The following MAPK10 variants were observed in gnomAD, a reference collection of about 807,000 sequenced individuals.
MAPK10 encodes mitogen-activated protein kinase 10.
MAPK10 carries 25 observed loss-of-function variants against 59.3 expected under a neutral mutation model. That is an observed-to-expected ratio of 0.42 (90% CI 0.31 to 0.59). The LOEUF (loss-of-function observed/expected upper bound fraction) is 0.59. MAPK10 is among the 20% of genes least tolerant of loss of function. The pLI is 0.15. For missense variants in MAPK10, 351 were observed against 568.9 expected, an observed-to-expected ratio of 0.62 and a Z score of 3.90; for synonymous variants, 190 against 200.5, an observed-to-expected ratio of 0.95 and a Z score of 0.44.
intron 1 of MAPK10, among the ~76,000 whole-genome samples, chr4:86,424,427 T>C (rs1438630452): frequency 6.6e-6 from 1 of 152,136 alleles, no homozygotes; most frequent in East Asian, 1.9e-4. Context: ...TGACCTCAAG[T>C]GATCTGCTCC....
chr4:86,324,970 C>T (rs2095988897), intron 2 of MAPK10, among the ~76,000 whole-genome samples: 1 of 152,192 alleles, frequency 6.6e-6, no homozygotes, highest in Non-Finnish European at 1.5e-5. Flanking sequence ...TGAGCCATTG[C>T]ACTTTGTGCA....
chr4:86,496,732 CA>C (rs1183004370), intron 1 of MAPK10, among the ~76,000 whole-genome samples: 1 of 152,126 alleles, frequency 6.6e-6, no homozygotes, highest in African/African-American at 2.4e-5. Context: ...AGAAATCCAA[CA>C]AATTTCTATT....
chr4:86,589,949 A>C (rs1022155724), intron 1 of MAPK10, among the ~76,000 whole-genome samples: 1 of 150,400 alleles, frequency 6.6e-6, no homozygotes, highest in Non-Finnish European at 1.5e-5. Flanking sequence ...GCGCCACTGC[A>C]CTCCAGCCTG....
At chr4:86,248,643 G>A (rs2093251961) in intron 2 of MAPK10, among the ~76,000 whole-genome samples, 1 of 152,184 alleles carries the variant, frequency 6.6e-6, no homozygotes, top group South Asian at 2.1e-4. Flanking sequence ...TCTTTCTCAA[G>A]TCAGACTCCA....
chr4:86,039,221 C>A (rs2040973195), intron 11 of MAPK10, among the ~76,000 whole-genome samples: 1 of 152,088 alleles, frequency 6.6e-6, no homozygotes, highest in South Asian at 2.1e-4. Flanking sequence ...TGAAGGAAAC[C>A]AGGTGAGAGA....
At chr4:86,032,263 C>T (rs1013233059) in intron 11 of MAPK10, 14 of 152,042 alleles carry the variant, frequency 9.2e-5, no homozygotes, top group Non-Finnish European at 2.1e-4. Context: ...ATTCTCTGAC[C>T]TCTTCTTCCT....
intron 1 of MAPK10, among the ~76,000 whole-genome samples, chr4:86,432,532 G>A (rs942695142): frequency 3.9e-5 from 6 of 152,060 alleles, no homozygotes; most frequent in Admixed American, 1.3e-4. Flanking sequence ...TGCCTGCCTC[G>A]GCCTCCCAAA....
chr4:86,547,639 C>T (rs999708985), intron 1 of MAPK10, among the ~76,000 whole-genome samples: 1 of 152,172 alleles, frequency 6.6e-6, no homozygotes. Context: ...TGAGGAATGC[C>T]GGCGGCAGGC....
chr4:86,565,578 G>A (rs1488359283), intron 1 of MAPK10, among the ~76,000 whole-genome samples: 1 of 152,154 alleles, frequency 6.6e-6, no homozygotes, highest in Admixed American at 6.5e-5. Context: ...TTAGCTTTTC[G>A]ATAATGCTAA....
intron 1 of MAPK10, among the ~76,000 whole-genome samples, chr4:86,473,142 A>T (rs2149066857): frequency 6.6e-6 from 1 of 152,328 alleles, no homozygotes; most frequent in South Asian, 2.1e-4. Flanking sequence ...TATATTTGAA[A>T]ATAAAAATGT....
chr4:86,086,617 T>A (rs2051929709), intron 9 of MAPK10, among the ~76,000 whole-genome samples: 1 of 152,140 alleles, frequency 6.6e-6, no homozygotes, highest in South Asian at 2.1e-4. Flanking sequence ...GTTTTGAGAA[T>A]GCTTTTATAT....
At chr4:86,290,672 G>C (rs1336375068) in intron 2 of MAPK10, among the ~76,000 whole-genome samples, 2 of 152,144 alleles carry the variant, frequency 1.3e-5, no homozygotes, top group Admixed American at 1.3e-4. Context: ...AATGATGCTT[G>C]ACTCCTGGCT....
At chr4:86,054,559 T>C (rs2044181072) in intron 11 of MAPK10, among the ~76,000 whole-genome samples, 1 of 152,158 alleles carries the variant, frequency 6.6e-6, no homozygotes, top group Non-Finnish European at 1.5e-5. Context: ...TTACAGACAT[T>C]GATTTAACTT....
upstream of MAPK10, among the ~76,000 whole-genome samples, chr4:86,360,523 G>A (rs1736736357): frequency 6.6e-6 from 1 of 152,150 alleles, no homozygotes; most frequent in Admixed American, 6.5e-5. Context: ...CATCTGCACA[G>A]CACTATTCCT....
intron 2 of MAPK10, among the ~76,000 whole-genome samples, chr4:86,351,124 C>A (rs1293195183): frequency 6.6e-6 from 1 of 151,972 alleles, no homozygotes; most frequent in Non-Finnish European, 1.5e-5. Flanking sequence ...TTGCTTTAAA[C>A]CCTAAAATTT....
intron 2 of MAPK10, among the ~76,000 whole-genome samples, chr4:86,245,787 T>C (rs1234300004): frequency 6.6e-6 from 1 of 152,222 alleles, no homozygotes; most frequent in Non-Finnish European, 1.5e-5. Context: ...CCACCAACTG[T>C]ACAATTTGGG....
intron 1 of MAPK10, among the ~76,000 whole-genome samples, chr4:86,474,338 A>T (rs773524412): frequency 1.1e-4 from 16 of 152,216 alleles, no homozygotes; most frequent in Non-Finnish European, 8.8e-5. Flanking sequence ...ACATTAATTG[A>T]GACATCCTAA....
chr4:86,496,048 T>G (rs1280740275), intron 1 of MAPK10, among the ~76,000 whole-genome samples: 1 of 152,178 alleles, frequency 6.6e-6, no homozygotes, highest in Admixed American at 6.5e-5. Context: ...GGGCTTCATT[T>G]TTGTGGAAAA....
Position 86,359,876 on chromosome 4 carries a change from A to AATTTCC in MAPK10, c.-341_-340insGGAAAT. On this transcript the variant is annotated 5_prime_UTR_variant, in exon 1 of 14. The change creates a new upstream start codon in the 5' untranslated region. Transcript: ENST00000641462. ...ATTGAGGGGTGAGGACAAAAAAGGAAATTTGTAAAAATGAAAAAAGAAAAG... is the reference window on the plus strand; with the variant it reads ...ATTGAGGGGTGAGGACAAAAAAGGAAATTTCCATTTGTAAAAATGAAAAAAGAAAAG... 1 of 985,736 alleles carries AATTTCC rather than the reference A, an allele frequency of 1.0e-6. No individual in the cohort carries two copies. Among genetic ancestry groups the AATTTCC allele is most frequent in the Non-Finnish European group, 1.2e-6 (1 of 829,892 alleles). The allele number at this position is 985,736 out of a possible 1,614,324, so 61.1% of individuals were successfully genotyped here.
Sources: gnomAD v4.1 joint callset for allele counts (sites outside exome capture counted in the v4.1 genomes callset) on GRCh38, gnomAD v4.1.1 for gene constraint, MANE v1.5 for transcripts, NCBI Gene and HGNC (gene_info 2026-07-23, HGNC 2026-07-21) for gene names.